The following MRPS28 variants were observed in gnomAD, a reference collection of about 807,000 sequenced individuals.
MRPS28 encodes the protein mitochondrial ribosomal protein S28, also known as small ribosomal subunit protein bS1m.
Under a neutral mutation model 10.8 loss-of-function variants are expected in MRPS28, and 7 were observed. The observed-to-expected ratio is 0.65, with a 90% CI of 0.37 to 1.22. The LOEUF is 1.22. Among genes scored for constraint, MRPS28 ranks in the 50% most tolerant of loss-of-function variants. MRPS28 has a pLI of 0.02. For missense variants in MRPS28, 265 were observed against 232.9 expected, an observed-to-expected ratio of 1.14 and a Z score of -0.90; for synonymous variants, 121 against 93.3, an observed-to-expected ratio of 1.30 and a Z score of -1.71.
At chr8:79,939,438 C>T (rs994473493) in intron 2 of MRPS28, among the ~76,000 whole-genome samples, 2 of 152,040 alleles carry the variant, frequency 1.3e-5, no homozygotes, top group African/African-American at 4.8e-5. Flanking sequence ...TTAAAAGTTA[C>T]TGCACAAGCC....
Position 79,966,518 on chromosome 8 carries a change from T to C in MRPS28, c.395+36481A>G, listed in dbSNP as rs187386054. On this transcript the variant is annotated intron_variant, in intron 2 of 2. Transcript: ENST00000276585. The stretch of plus-strand genomic sequence containing the variant: ...ACTTTCTCTGCTCTCAATACAATTA[T>C]GCTAGAAATCAATAATAATTCTCAT... 2.0e-4 allele frequency among the ~76,000 whole-genome samples: 30 copies of C among 152,176 alleles called. No individual in the cohort carries two copies. In the East Asian group the frequency reaches 5.0e-3, roughly 25 times the overall value.
chr8:79,994,910 T>C (rs2130132999), intron 2 of MRPS28, among the ~76,000 whole-genome samples: 1 of 152,246 alleles, frequency 6.6e-6, no homozygotes, highest in African/African-American at 2.4e-5. Context: ...CATTTAAAAC[T>C]TGTTCAAGTG....
intron 2 of MRPS28, among the ~76,000 whole-genome samples, chr8:79,945,667 C>T (rs996591086): frequency 2.0e-4 from 30 of 152,138 alleles, no homozygotes; most frequent in Non-Finnish European, 2.5e-4. Flanking sequence ...AAAAACAATA[C>T]GTGGCAGACA....
chr8:79,992,233 T>C (rs1427675077), intron 2 of MRPS28, among the ~76,000 whole-genome samples: 1 of 152,224 alleles, frequency 6.6e-6, no homozygotes, highest in East Asian at 1.9e-4. Flanking sequence ...CCCACAGCAA[T>C]TATGTGAGAT....
chr8:79,982,499 C>T (rs1013785691), intron 2 of MRPS28, among the ~76,000 whole-genome samples: 1 of 152,132 alleles, frequency 6.6e-6, no homozygotes, highest in Non-Finnish European at 1.5e-5. Context: ...TCAGGGAGTT[C>T]CCTTTCCTAG....
chr8:79,947,256 C>T (rs759595535), intron 2 of MRPS28, among the ~76,000 whole-genome samples: 3 of 152,124 alleles, frequency 2.0e-5, no homozygotes, highest in Admixed American at 2.0e-4. Context: ...TTCATGGAAA[C>T]CAACCAAAAA....
chr8:79,983,017 C>CAGACTG, intron 2 of MRPS28, among the ~76,000 whole-genome samples: 1 of 142,516 alleles, frequency 7.0e-6, no homozygotes, highest in Non-Finnish European at 1.5e-5. Flanking sequence ...AACTGGGAGG[C>CAGACTG]ACCCCCCAGT....
intron 2 of MRPS28, among the ~76,000 whole-genome samples, chr8:79,997,154 A>G (rs1395416276): frequency 2.0e-5 from 3 of 152,232 alleles, no homozygotes; most frequent in African/African-American, 7.2e-5. Context: ...TGCTGCATTA[A>G]TATGACAGAA....
intron 2 of MRPS28, among the ~76,000 whole-genome samples, chr8:79,981,936 C>G (rs1807966301): frequency 6.6e-6 from 1 of 152,176 alleles, no homozygotes; most frequent in Non-Finnish European, 1.5e-5. Flanking sequence ...ACGAAGTATT[C>G]TATTTTAGGT....
At chr8:79,981,646 T>C (rs1014738787) in intron 2 of MRPS28, among the ~76,000 whole-genome samples, 3 of 152,230 alleles carry the variant, frequency 2.0e-5, no homozygotes, top group African/African-American at 4.8e-5. Context: ...TGAAAATATG[T>C]ACGTTTACAG....
At chr8:79,987,419 G>A (rs1210992276) in intron 2 of MRPS28, among the ~76,000 whole-genome samples, 3 of 152,108 alleles carry the variant, frequency 2.0e-5, no homozygotes, top group African/African-American at 7.2e-5. Context: ...AGCCAAAATT[G>A]ACAAATGGGA....
chr8:79,948,500 T>G (rs942806164), intron 2 of MRPS28, among the ~76,000 whole-genome samples: 2 of 152,234 alleles, frequency 1.3e-5, no homozygotes, highest in Non-Finnish European at 2.9e-5. Context: ...TGACATCCAG[T>G]ATAATGAAGA....
chr8:79,946,810 G>A (rs901699715), intron 2 of MRPS28, among the ~76,000 whole-genome samples: 15 of 152,054 alleles, frequency 9.9e-5, no homozygotes, highest in Non-Finnish European at 1.6e-4. Context: ...AATAACAAGC[G>A]TTTGTATTTT....
chr8:79,961,467 T>C (rs933097073), intron 2 of MRPS28, among the ~76,000 whole-genome samples: 1 of 152,178 alleles, frequency 6.6e-6, no homozygotes, highest in African/African-American at 2.4e-5. Context: ...ATTCATTTTA[T>C]CCCAATAACT....
intron 2 of MRPS28, among the ~76,000 whole-genome samples, chr8:79,990,036 C>G (rs1177919724): frequency 6.6e-6 from 1 of 152,164 alleles, no homozygotes; most frequent in African/African-American, 2.4e-5. Flanking sequence ...TGGCAGACGC[C>G]TGTAGTCCCG....
chr8:79,953,845 T>C (rs940558243), intron 2 of MRPS28, among the ~76,000 whole-genome samples: 7 of 152,368 alleles, frequency 4.6e-5, no homozygotes, highest in African/African-American at 1.4e-4. Context: ...AATCTTTTTC[T>C]TTAAAGAAAA....
chr8:80,008,879 G>T (rs926374317), intron 1 of MRPS28, among the ~76,000 whole-genome samples: 25 of 152,270 alleles, frequency 1.6e-4, no homozygotes, highest in African/African-American at 6.0e-4. Context: ...ATTCCTCAAG[G>T]ATCTAGAACT....
intron 1 of MRPS28, among the ~76,000 whole-genome samples, chr8:80,011,511 T>C (rs1017813931): frequency 6.6e-6 from 1 of 151,948 alleles, no homozygotes; most frequent in Non-Finnish European, 1.5e-5. Context: ...CCCAGCACTA[T>C]GGGAGGCCAA....
chr8:80,025,795 A>G (rs1809480716), intron 1 of MRPS28, among the ~76,000 whole-genome samples: 1 of 152,242 alleles, frequency 6.6e-6, no homozygotes, highest in Admixed American at 6.5e-5. Context: ...TTTCCAAGGC[A>G]ACACAGCTAG....
Sources: allele counts gnomAD v4.1 joint callset (sites outside exome capture counted in the v4.1 genomes callset), GRCh38; gene constraint gnomAD v4.1.1; transcripts MANE v1.5; gene names NCBI Gene and HGNC (gene_info 2026-07-23, HGNC 2026-07-21).